The following CSMD1 variants were observed in gnomAD, a reference collection of about 807,000 sequenced individuals.
CSMD1 encodes CUB and sushi domain-containing protein 1.
In CSMD1, 213 loss-of-function variants were observed where a neutral mutation model predicts 417.5. That is an observed-to-expected ratio of 0.51 (90% CI 0.46 to 0.57). The LOEUF is 0.57. Among genes scored for constraint, CSMD1 ranks in the 20% least tolerant of loss-of-function variants. CSMD1 has a pLI of 0.00. For missense variants in CSMD1, 6,923 were observed against 4,529.7 expected, an observed-to-expected ratio of 1.53 and a Z score of -15.17; for synonymous variants, 2,862 against 1,736.8, an observed-to-expected ratio of 1.65 and a Z score of -16.11.
intron 6 of CSMD1, among the ~76,000 whole-genome samples, chr8:3,746,032 C>T (rs1007051495): frequency 3.9e-5 from 6 of 152,156 alleles, no homozygotes; most frequent in South Asian, 2.1e-4. Flanking sequence ...TCATGCTTAC[C>T]GTTCCAAAGC....
rs568791641 is a variant in CSMD1 at position 4,413,012 on chromosome 8, T to C, written c.415+6941A>G. On this transcript the variant is annotated intron_variant, in intron 3 of 69. Transcript: ENST00000635120. ...CAGTAGTTATGAGATTTTTGACAACTTGAAGTCTATACAATGTTCTTTCCA... is the reference window on the plus strand; with the variant it reads ...CAGTAGTTATGAGATTTTTGACAACCTGAAGTCTATACAATGTTCTTTCCA... Among the ~76,000 whole-genome samples the C allele has an allele frequency of 1.2e-3, 183 of 152,338 alleles. 2 individuals carry two copies. The highest frequency in any genetic ancestry group is 4.4e-3 in the African/African-American group (181 of 41,566).
intron 2 of CSMD1, among the ~76,000 whole-genome samples, chr8:4,460,025 C>A (rs114882717): frequency 6.8e-4 from 104 of 152,200 alleles, no homozygotes; most frequent in African/African-American, 2.5e-3. Context: ...CTGGAATGAA[C>A]AGACATCTAC....
chr8:3,940,581 G>GAAC (rs796457505), intron 5 of CSMD1, among the ~76,000 whole-genome samples: 11 of 149,002 alleles, frequency 7.4e-5, no homozygotes, highest in South Asian at 6.4e-4. Context: ...AGGTATTCAA[G>GAAC]AACAACAACA....
intron 7 of CSMD1, chr8:3,700,483 G>C (rs1410729625): frequency 6.6e-6 from 1 of 152,170 alleles, no homozygotes; most frequent in East Asian, 1.9e-4. Context: ...AGAAGGTGTG[G>C]ATGCTCAAGT....
intron 2 of CSMD1, among the ~76,000 whole-genome samples, chr8:4,561,707 G>A (rs1310637777): frequency 6.6e-6 from 1 of 152,130 alleles, no homozygotes; most frequent in Admixed American, 6.5e-5. Flanking sequence ...GAGACAGAGA[G>A]AAAAGAAAGT....
chr8:4,728,428 G>A (rs1334751123), intron 1 of CSMD1, among the ~76,000 whole-genome samples: 1 of 152,008 alleles, frequency 6.6e-6, no homozygotes, highest in Non-Finnish European at 1.5e-5. Context: ...CTGAGGGTAA[G>A]AAGCATTTCA....
chr8:3,465,795 T>C (rs1184087447), intron 12 of CSMD1, among the ~76,000 whole-genome samples: 2 of 152,120 alleles, frequency 1.3e-5, no homozygotes, highest in Non-Finnish European at 2.9e-5. Context: ...TAAAATAAGA[T>C]GATGTGGCAT....
At chr8:2,967,441 C>G (rs1465800900) in intron 57 of CSMD1, among the ~76,000 whole-genome samples, 1 of 152,206 alleles carries the variant, frequency 6.6e-6, no homozygotes, top group African/African-American at 2.4e-5. Context: ...GGTCTACACT[C>G]TGTGCCTATT....
intron 1 of CSMD1, among the ~76,000 whole-genome samples, chr8:4,714,602 G>C (rs550962792): frequency 6.6e-6 from 1 of 150,976 alleles, no homozygotes; most frequent in Admixed American, 6.6e-5. Context: ...ACACAGCTGA[G>C]ATTCAAATTC....
intron 2 of CSMD1, among the ~76,000 whole-genome samples, chr8:4,481,223 ACCTAAGAGT>A (rs1801081872): frequency 6.6e-6 from 1 of 152,208 alleles, no homozygotes; most frequent in African/African-American, 2.4e-5. Context: ...CTATCAGCAG[ACCTAAGAGT>A]CCAAATTTAG....
At chr8:3,551,389 G>C (rs1443454442) in intron 10 of CSMD1, among the ~76,000 whole-genome samples, 1 of 152,044 alleles carries the variant, frequency 6.6e-6, no homozygotes, top group Non-Finnish European at 1.5e-5. Flanking sequence ...AGTAGATGCA[G>C]GGGGTAAATG....
intron 7 of CSMD1, among the ~76,000 whole-genome samples, chr8:3,677,518 G>T (rs541280640): frequency 6.6e-6 from 1 of 152,278 alleles, no homozygotes; most frequent in Non-Finnish European, 1.5e-5. Flanking sequence ...GAATGCCCAG[G>T]TGTCCCCAGG....
chr8:4,115,189 A>T (rs1199947643), intron 3 of CSMD1, among the ~76,000 whole-genome samples: 1 of 152,260 alleles, frequency 6.6e-6, no homozygotes, highest in African/African-American at 2.4e-5. Context: ...CCCAGCCTTC[A>T]GCAACTACCA....
At chr8:4,850,254 C>G (rs1010745098) in intron 1 of CSMD1, among the ~76,000 whole-genome samples, 32 of 152,054 alleles carry the variant, frequency 2.1e-4, no homozygotes, top group African/African-American at 6.8e-4. Flanking sequence ...TTTCTATGTT[C>G]TAGATGCAAA....
chr8:4,844,081 A>G (rs1800994901), intron 1 of CSMD1, among the ~76,000 whole-genome samples: 1 of 152,180 alleles, frequency 6.6e-6, no homozygotes. Flanking sequence ...TCTTTAGGGG[A>G]AAAATAATGC....
intron 1 of CSMD1, among the ~76,000 whole-genome samples, chr8:4,785,834 G>A (rs575936650): frequency 2.6e-5 from 4 of 152,252 alleles, no homozygotes; most frequent in Admixed American, 6.5e-5. Context: ...CTGTCACTTG[G>A]AAATGATTAA....
intron 3 of CSMD1, among the ~76,000 whole-genome samples, chr8:4,232,456 C>A (rs1801795079): frequency 6.6e-6 from 1 of 152,128 alleles, no homozygotes; most frequent in Non-Finnish European, 1.5e-5. Context: ...ACCTCAGATT[C>A]CCAAAGTGCT....
intron 4 of CSMD1, among the ~76,000 whole-genome samples, chr8:4,016,934 C>G (rs1304356056): frequency 1.3e-5 from 2 of 152,146 alleles, no homozygotes; most frequent in African/African-American, 2.4e-5. Flanking sequence ...GTTGAAATCT[C>G]AAAAGATGAA....
chr8:3,945,177 A>G (rs2688277), intron 5 of CSMD1, among the ~76,000 whole-genome samples: 1 of 53,966 alleles, frequency 1.9e-5, no homozygotes, highest in African/African-American at 6.0e-5. Context: ...CATGAGAAAG[A>G]CAAAAAAAAA....
Sources: gnomAD v4.1 joint callset for allele counts (sites outside exome capture counted in the v4.1 genomes callset) on GRCh38, gnomAD v4.1.1 for gene constraint, MANE v1.5 for transcripts, NCBI Gene and HGNC (gene_info 2026-07-23, HGNC 2026-07-21) for gene names.